GNG4: variants seen among roughly 807,000 people sequenced by gnomAD.
GNG4 encodes G protein subunit gamma 4, also known as guanine nucleotide-binding protein G(I)/G(S)/G(O) subunit gamma-4.
GNG4 carries 4 observed loss-of-function variants against 5.8 expected under a neutral mutation model. The observed-to-expected ratio is 0.69, with a 90% CI of 0.34 to 1.57. The LOEUF (loss-of-function observed/expected upper bound fraction) is 1.57. Ranked by LOEUF, GNG4 falls within the 40% of genes most tolerant of loss-of-function variation. The probability of loss-of-function intolerance (pLI) is 0.06; values close to 1 mark genes in which losing one functional copy is unlikely to be tolerated. For missense variants in GNG4, 96 were observed against 95.1 expected (o/e 1.01, Z -0.04); for synonymous variants, 29 against 32.9 (o/e 0.88, Z 0.41).
rs1438457795 is a variant in GNG4, at chr1:235,649,466, C to G, written c.-123+196G>C. ...CTTCCCCGGGGCCCGGCGGGAGGTC[C>G]CGGGAGAGGAGGCCGAGGGAACCAC... On this transcript the variant is annotated intron_variant, in intron 1 of 3. Coordinates refer to ENST00000391854, the MANE Select transcript of GNG4 (RefSeq NM_001098722.2). The surrounding 1 kb of genome is among the most constrained non-coding windows in gnomAD (Gnocchi z 5.7). Among the ~76,000 whole-genome samples, 1 of 152,000 alleles carries G rather than the reference C, an allele frequency of 6.6e-6. No individual in the cohort carries two copies. Among genetic ancestry groups the G allele is most frequent in the African/African-American group, 2.4e-5 (1 of 41,396 alleles).
intron 2 of GNG4, among the ~76,000 whole-genome samples, chr1:235,590,354 C>G: frequency 6.6e-6 from 1 of 152,030 alleles, no homozygotes; most frequent in Non-Finnish European, 1.5e-5. Context: ...ACTTGGGAGG[C>G]TGAGACAGGA....
In GNG4 at chr1:235,642,290, C is replaced by T. The variant is rs999168890; in HGVS notation, c.-123+7372G>A. 1.3e-5 allele frequency among the ~76,000 whole-genome samples: 2 copies of T among 152,184 alleles called. No individual in the cohort carries two copies. Among genetic ancestry groups the T allele is most frequent in the African/African-American group, 4.8e-5 (2 of 41,448 alleles). On this transcript the variant is annotated intron_variant, in intron 1 of 3. Coordinates refer to ENST00000391854, the MANE Select transcript of GNG4 (RefSeq NM_001098722.2). The surrounding 1 kb of genome is among the most constrained non-coding windows in gnomAD (Gnocchi z 4.3). ...ACTGTGAAGCAGGGCCAAGGCCAGC[C>T]CTCCGCCTCGAGGCCACTGGTGCTT...
chr1:235,628,993 ATTT>A (rs1054950474), intron 1 of GNG4, among the ~76,000 whole-genome samples: 1,946 of 118,356 alleles, frequency 0.016, 54 homozygotes, highest in African/African-American at 0.054. Flanking sequence ...ATTTGCTTGA[ATTT>A]TTTTTTTTTT....
intron 1 of GNG4, among the ~76,000 whole-genome samples, chr1:235,623,593 G>T (rs946777419): frequency 2.6e-5 from 4 of 152,102 alleles, no homozygotes; most frequent in African/African-American, 9.7e-5. Flanking sequence ...CTCTCCATAT[G>T]CCACTCCCTC....
Position 235,549,374 on chromosome 1 carries a change from G to C in GNG4, c.*2735C>G, listed in dbSNP as rs1198819918. ...GAAAAGGAGAGAGAACAAAACGGAG[G>C]CTGAATCTGGAGGGACGGGGCATGT... On this transcript the variant is annotated 3_prime_UTR_variant, in exon 4 of 4. Coordinates refer to ENST00000391854, the MANE Select transcript of GNG4 (RefSeq NM_001098722.2). 6.6e-6 allele frequency: 1 copy of C among 152,358 alleles called. No individual in the cohort carries two copies. Among genetic ancestry groups the C allele is most frequent in the Non-Finnish European group, 1.5e-5 (1 of 68,178 alleles). The allele number at this position is 152,358 out of a possible 1,614,324, so 9.4% of individuals were successfully genotyped here.
chr1:235,637,424 G>C (rs961620401), intron 1 of GNG4, among the ~76,000 whole-genome samples: 2 of 151,612 alleles, frequency 1.3e-5, no homozygotes, highest in Admixed American at 6.6e-5. Flanking sequence ...AGGCCAAGGT[G>C]GGGGGATCAC....
At chr1:235,645,392 A>G (rs137855016) in intron 1 of GNG4, among the ~76,000 whole-genome samples, 54 of 152,160 alleles carry the variant, frequency 3.5e-4, no homozygotes, top group Middle Eastern at 3.4e-3. Flanking sequence ...AAATCTCTCA[A>G]TTTTACCTCT....
rs543616824 is a variant in GNG4 at position 235,594,754 on chromosome 1, C to G, written c.-11+646G>C. 5.9e-5 allele frequency among the ~76,000 whole-genome samples: 9 copies of G among 152,336 alleles called. No individual in the cohort carries two copies. The East Asian group carries it at 1.2e-3, about 20-fold the overall frequency. On this transcript the variant is annotated intron_variant, in intron 2 of 3. Coordinates refer to ENST00000391854, the MANE Select transcript of GNG4 (RefSeq NM_001098722.2). The stretch of plus-strand genomic sequence containing the variant: ...ACCGTGCGCAGCCCCAGTTCCCGCC[C>G]GTGCCTCTCCCTCCACACCTCCCTG...
intron 1 of GNG4, among the ~76,000 whole-genome samples, chr1:235,620,605 G>A (rs926354921): frequency 5.3e-5 from 8 of 151,950 alleles, no homozygotes; most frequent in Admixed American, 4.6e-4. Flanking sequence ...GCGTGATCTC[G>A]GCTCACTGCA....
At chr1:235,629,986 A>G (rs1263905277) in intron 1 of GNG4, among the ~76,000 whole-genome samples, 1 of 152,130 alleles carries the variant, frequency 6.6e-6, no homozygotes, top group Non-Finnish European at 1.5e-5. Context: ...TGTCTTCATC[A>G]CATTGTTCCC....
At chr1:235,602,038 G>A (rs569213038) in intron 1 of GNG4, among the ~76,000 whole-genome samples, 46 of 152,144 alleles carry the variant, frequency 3.0e-4, no homozygotes, top group Admixed American at 3.9e-4. Context: ...TTGGGAGGCC[G>A]AGGCGGGTGG....
chr1:235,634,912 C>T (rs7550310), intron 1 of GNG4, among the ~76,000 whole-genome samples: 42,540 of 151,822 alleles, frequency 0.28, 6,810 homozygotes, highest in African/African-American at 0.43. Flanking sequence ...CCAGCCTGCG[C>T]GACAAGAGCA....
chr1:235,572,186 C>T (rs1571884910), intron 3 of GNG4, among the ~76,000 whole-genome samples: 1 of 151,776 alleles, frequency 6.6e-6, no homozygotes, highest in Non-Finnish European at 1.5e-5. Flanking sequence ...AACAGCTAAA[C>T]AGAAAAGGTA....
intron 1 of GNG4, among the ~76,000 whole-genome samples, chr1:235,626,987 A>C (rs1178872998): frequency 6.9e-6 from 1 of 145,016 alleles, no homozygotes; most frequent in African/African-American, 2.6e-5. Flanking sequence ...AAAAAAAAAA[A>C]AAAAAAAAAA....
Position 235,550,561 on chromosome 1 carries a change from GGAGGCCAAGGTGGGCAGATCACTC to G in GNG4, c.*1524_*1547del, listed in dbSNP as rs1558468385. 1 of 152,258 alleles carries G rather than the reference GGAGGCCAAGGTGGGCAGATCACTC, an allele frequency of 6.6e-6. No individual in the cohort carries two copies. The highest frequency in any genetic ancestry group is 1.5e-5 in the Non-Finnish European group (1 of 68,106). 9.4% of individuals were successfully genotyped at this position (152,258 alleles called of 1,614,324 possible). A position where few individuals can be genotyped will look rare whatever the true frequency, so the allele number is the denominator to read the frequency against. On this transcript the variant is annotated 3_prime_UTR_variant, in exon 4 of 4. Coordinates refer to ENST00000391854, the MANE Select transcript of GNG4 (RefSeq NM_001098722.2). ...TCACACCTGCAATCCCAGCACTTTG[GGAGGCCAAGGTGGGCAGATCACTC>G]GAGGCCAGTAGTTGGAGACCAGCCT...
rs985695596 is a variant in GNG4, at chr1:235,642,437, A to G, written c.-123+7225T>C. Among the ~76,000 whole-genome samples the G allele has an allele frequency of 6.6e-6, 1 of 152,196 alleles. No homozygotes were observed. Among genetic ancestry groups the G allele is most frequent in the African/African-American group, 2.4e-5 (1 of 41,456 alleles). The stretch of plus-strand genomic sequence containing the variant: ...TGATTCCCCGACGTGGGCCTGCAGC[A>G]AGAGACGGGTGCTAACAGCGTCCGA... On this transcript the variant is annotated intron_variant, in intron 1 of 3. Transcript: ENST00000391854. The surrounding 1 kb of genome is among the most constrained non-coding windows in gnomAD (Gnocchi z 4.3).
At chr1:235,587,560 ATGTGGGAGGGTGTGGGGTGGCGGTGAG>A (rs1687827249) in intron 2 of GNG4, among the ~76,000 whole-genome samples, 1 of 372 alleles carries the variant, frequency 2.7e-3, no homozygotes, top group Non-Finnish European at 5.0e-3. Context: ...GGGGTTGTGA[ATGTGGGAGGGTGTGGGGTGGCGGTGAG>A]TGTGAGTGTG....
chr1:235,582,480 T>C (rs150136851), intron 3 of GNG4, among the ~76,000 whole-genome samples: 134 of 152,328 alleles, frequency 8.8e-4, no homozygotes, highest in African/African-American at 3.1e-3. Context: ...CGCCTTCACA[T>C]TTCTCTCCCA....
chr1:235,554,094 GA>G (rs1686830747), intron 3 of GNG4, among the ~76,000 whole-genome samples: 1 of 152,166 alleles, frequency 6.6e-6, no homozygotes, highest in African/African-American at 2.4e-5. Context: ...CAAGGAGCAG[GA>G]GCACAGGCTT....
Sources: gnomAD v4.1 joint callset for allele counts (sites outside exome capture counted in the v4.1 genomes callset) on GRCh38, gnomAD v4.1.1 for gene constraint, Gnocchi (gnomAD v3.1) non-coding constraint, MANE v1.5 for transcripts, NCBI Gene and HGNC (gene_info 2026-07-23, HGNC 2026-07-21) for gene names.